The following PRC1 variants were observed in gnomAD, a reference collection of about 807,000 sequenced individuals.
PRC1 encodes anaphase spindle elongation 1 homolog.
Under a neutral mutation model 91.2 loss-of-function variants are expected in PRC1, and 54 were observed. The observed-to-expected ratio is 0.59, with a 90% CI of 0.48 to 0.74. PRC1 has a LOEUF of 0.74. Among genes scored for constraint, PRC1 ranks in the 30% least tolerant of loss-of-function variants. The pLI is 0.00. For missense variants in PRC1, 727 were observed against 746.2 expected (o/e 0.97, Z 0.30); for synonymous variants, 275 against 263.6 (o/e 1.04, Z -0.42).
chr15:90,967,415 A>T, intron 14 of PRC1: 1 of 558,002 alleles, frequency 1.8e-6, no homozygotes, highest in Non-Finnish European at 3.2e-6. Flanking sequence ...CATGCCCGTG[A>T]CCCCTTTTTC....
chr15:90,977,935 T>A (rs1302902176), intron 8 of PRC1, among the ~76,000 whole-genome samples: 1 of 152,186 alleles, frequency 6.6e-6, no homozygotes. Flanking sequence ...AAGTAAAGAA[T>A]AACTGAGGAC....
In PRC1 at chr15:90,973,597, G is replaced by T. The variant is rs771894199; in HGVS notation, c.1461+539C>A. ...GCCCCTGGGAACGGAATATCTCGGT[G>T]TAAAACCCGATCGTACGTACCTATG... On this transcript the variant is annotated intron_variant, in intron 11 of 14. Coordinates refer to ENST00000394249, the MANE Select transcript of PRC1 (RefSeq NM_003981.4). Among the ~76,000 whole-genome samples, 58 of 152,126 alleles carry T rather than the reference G, an allele frequency of 3.8e-4. 1 individual carries two copies. The highest frequency in any genetic ancestry group is 7.9e-4 in the Non-Finnish European group (54 of 68,028).
chr15:90,970,766 A>G (rs1318388207), intron 11 of PRC1, among the ~76,000 whole-genome samples: 2 of 152,236 alleles, frequency 1.3e-5, no homozygotes, highest in Admixed American at 6.5e-5. Flanking sequence ...CATCTAGCAT[A>G]TGACCCAGCC....
intron 1 of PRC1, among the ~76,000 whole-genome samples, chr15:90,986,693 ATTTTATTT>A (rs1567203206): frequency 8.0e-6 from 1 of 125,374 alleles, no homozygotes; most frequent in East Asian, 2.7e-4. Flanking sequence ...TTATATTTCT[ATTTTATTT>A]ATTTATTTAT....
intron 7 of PRC1, 100 bp from the exon 8 acceptor site, chr15:90,979,394 TTATAG>T (rs761617501): frequency 5.3e-4 from 712 of 1,347,640 alleles, no homozygotes; most frequent in Non-Finnish European, 6.8e-4. Context: ...GATTCTTTCC[TTATAG>T]TAAACTGATA....
chr15:90,989,927 A>C (rs1291076401), intron 1 of PRC1, among the ~76,000 whole-genome samples: 1 of 152,076 alleles, frequency 6.6e-6, no homozygotes, highest in Non-Finnish European at 1.5e-5. Context: ...GTGCAGTAAC[A>C]TGATCATGGC....
Position 90,967,039 on chromosome 15 carries a change from C to G in PRC1, c.*92G>C. On this transcript the variant is annotated 3_prime_UTR_variant, in exon 15 of 15. Coordinates refer to ENST00000394249, the MANE Select transcript of PRC1 (RefSeq NM_003981.4). ...TGGAACCTGGCCAAGGTTTCAAGCA[C>G]GCCTAAGCTGAAGAAAAACTAAAGT... The G allele has an allele frequency of 8.6e-7, 1 of 1,163,296 alleles. No individual in the cohort carries two copies. Among genetic ancestry groups the G allele is most frequent in the Non-Finnish European group, 1.3e-6 (1 of 779,434 alleles). 72.1% of individuals were successfully genotyped at this position (1,163,296 alleles called of 1,614,324 possible).
At chr15:90,978,848 G>A (rs1164099693) in intron 8 of PRC1, among the ~76,000 whole-genome samples, 3 of 151,892 alleles carry the variant, frequency 2.0e-5, no homozygotes, top group African/African-American at 4.8e-5. Context: ...AGTGGTGGGG[G>A]AGCGCCCTGA....
At chr15:90,977,576 G>GTTTTTTTTT (rs777558725) in intron 8 of PRC1, among the ~76,000 whole-genome samples, 3 of 95,478 alleles carry the variant, frequency 3.1e-5, no homozygotes, top group Non-Finnish European at 3.9e-5. Flanking sequence ...CCTTATTTAC[G>GTTTTTTTTT]TTTTTTTTTT....
At chr15:90,968,333 C>G in intron 14 of PRC1, 11 of 985,520 alleles carry the variant, frequency 1.1e-5, no homozygotes, top group Non-Finnish European at 1.3e-5. Context: ...TCAAAACTAG[C>G]TGCAGCCTTG....
rs781283733 is a variant in PRC1, at chr15:90,974,206, T to C, written c.1391A>G (p.Tyr464Cys). 3.1e-6 allele frequency: 5 copies of C among 1,614,100 alleles called. No homozygotes were observed. In the African/African-American group the frequency reaches 4.0e-5, roughly 13 times the overall value. The change falls in exon 11 of 15, where the codon TAT becomes TGT. Residue 464 changes from tyrosine to cysteine, a missense_variant. Transcript: ENST00000394249. The surrounding 1 kb of genome is among the most constrained non-coding windows in gnomAD (Gnocchi z 4.6). ...NKKQTETEML[Y>C]GSAPRTPSKR... ...GCTAGGTGTTCGAGGAGCGCTGCCATACAGCATCTCTGTCTCTGTCTGTTT... is the reference window on the plus strand; with the variant it reads ...GCTAGGTGTTCGAGGAGCGCTGCCACACAGCATCTCTGTCTCTGTCTGTTT...
rs34262021 is a variant in PRC1 at position 90,987,109 on chromosome 15, TAA to T, written c.12-2286_12-2285del. 3.6e-3 allele frequency among the ~76,000 whole-genome samples: 452 copies of T among 124,936 alleles called. 1 individual carries two copies. The highest frequency in any genetic ancestry group is 4.3e-3 in the East Asian group (19 of 4,422). 82.0% of individuals were successfully genotyped at this position (124,936 alleles called of 152,430 possible). ...GGCAACATAGTGAGACTCTGCGTCTTAAAAAAAAAAAAAAAAAAAAAATTAGC... is the reference window on the plus strand; with the variant it reads ...GGCAACATAGTGAGACTCTGCGTCTTAAAAAAAAAAAAAAAAAAAATTAGC... On this transcript the variant is annotated intron_variant, in intron 1 of 14. Coordinates refer to ENST00000394249, the MANE Select transcript of PRC1 (RefSeq NM_003981.4).
At position 90,966,518 on chromosome 15, in the gene PRC1, G is replaced by A; in HGVS notation, c.*613C>T. The A allele has an allele frequency of 8.8e-6, 4 of 453,640 alleles. No individual in the cohort carries two copies. Among genetic ancestry groups the A allele is most frequent in the South Asian group, 3.1e-5 (2 of 64,218 alleles). The allele number at this position is 453,640 out of a possible 1,614,324, so 28.1% of individuals were successfully genotyped here. The stretch of plus-strand genomic sequence containing the variant: ...TTCATACATGCATACCCCCAACAAA[G>A]GGCAATGCACTGTGTAACAGAACTG... On this transcript the variant is annotated 3_prime_UTR_variant, in exon 15 of 15. Transcript: ENST00000394249.
chr15:90,980,952 T>C lies in PRC1; in HGVS notation c.754A>G (p.Ile252Val), dbSNP rs2039145201. 1.2e-6 allele frequency: 2 copies of C among 1,614,090 alleles called. No homozygotes were observed. The highest frequency in any genetic ancestry group is 1.7e-6 in the Non-Finnish European group (2 of 1,180,034). ...ACAGCTTCTCTTTCTTCTTCAGGTA[T>C]TTGCAACCTGTCCCAGAGCTCTCGG... ...QIRELWDRLQ[I>V]PEEEREAVAT... The change falls in exon 6 of 15, where the codon ATA (isoleucine) becomes GTA (valine). Residue 252 changes from isoleucine to valine, a missense_variant. Physicochemically the swap from Ile to Val is conservative, Grantham distance 29 (BLOSUM62 3). Transcript: ENST00000394249.
intron 1 of PRC1, among the ~76,000 whole-genome samples, chr15:90,986,495 G>A (rs1177501032): frequency 1.3e-5 from 2 of 152,206 alleles, no homozygotes; most frequent in South Asian, 2.1e-4. Flanking sequence ...GTGGTGGTGC[G>A]CCTGTAATCC....
chr15:90,970,375 G>T (rs780777682), intron 12 of PRC1, 29 bp downstream of exon 12: 8 of 1,501,426 alleles, frequency 5.3e-6, no homozygotes, highest in Non-Finnish European at 7.4e-6. Context: ...ACGCATGTGA[G>T]GATGTGCTTA....
At chr15:90,989,675 T>G (rs910865542) in intron 1 of PRC1, among the ~76,000 whole-genome samples, 3 of 149,446 alleles carry the variant, frequency 2.0e-5, no homozygotes, top group African/African-American at 7.4e-5. Context: ...AGCCAAAAAG[T>G]GAAAAAAAAA....
intron 14 of PRC1, chr15:90,968,493 G>A: frequency 1.0e-6 from 1 of 986,162 alleles, no homozygotes; most frequent in South Asian, 4.7e-5. Flanking sequence ...AAAAGGCAGT[G>A]TAGTTAGGTG....
At chr15:90,993,231 A>G (rs1248164433) in intron 1 of PRC1, among the ~76,000 whole-genome samples, 4 of 121,216 alleles carry the variant, frequency 3.3e-5, no homozygotes, top group Non-Finnish European at 4.8e-5. Flanking sequence ...TTTTTTTGAG[A>G]CGTAGTCTCA....
Sources: gnomAD v4.1 joint callset for allele counts (sites outside exome capture counted in the v4.1 genomes callset) on GRCh38, gnomAD v4.1.1 for gene constraint, Gnocchi (gnomAD v3.1) non-coding constraint, MANE v1.5 for transcripts, NCBI Gene and HGNC (gene_info 2026-07-23, HGNC 2026-07-21) for gene names.